The following HERC2 variants were observed in gnomAD, a reference collection of about 807,000 sequenced individuals.
HERC2 encodes E3 ubiquitin-protein ligase HERC2.
HERC2 carries 102 observed loss-of-function variants against 537.7 expected under a neutral mutation model. The observed-to-expected ratio is 0.19, with a 90% CI of 0.16 to 0.22. The LOEUF (loss-of-function observed/expected upper bound fraction) is 0.22, where lower values mean the gene tolerates loss of function less well. Ranked by LOEUF, HERC2 falls within the 10% of genes least tolerant of loss-of-function variation. HERC2 has a pLI of 1.00. For missense variants in HERC2, 4,236 were observed against 6,198.2 expected, an observed-to-expected ratio of 0.68 and a Z score of 10.63; for synonymous variants, 2,224 against 2,466.2, an observed-to-expected ratio of 0.90 and a Z score of 2.91.
At chr15:28,252,008 TGC>T (rs2075099739) in intron 20 of HERC2, among the ~76,000 whole-genome samples, 1 of 152,224 alleles carries the variant, frequency 6.6e-6, no homozygotes, top group African/African-American at 2.4e-5. Context: ...ATATCTGATC[TGC>T]CCTAGACTCA....
Position 28,111,238 on chromosome 15 carries a change from G to A in HERC2, c.*525C>T, listed in dbSNP as rs532513500. The A allele has an allele frequency of 3.2e-4, 49 of 153,946 alleles. No individual in the cohort carries two copies. Among genetic ancestry groups the A allele is most frequent in the Non-Finnish European group, 5.9e-4 (41 of 69,114 alleles). The allele number at this position is 153,946 out of a possible 1,614,324, so 9.5% of individuals were successfully genotyped here. ...AAATGGCCTTCTGGTTTTTCATTTT[G>A]GTTTAAATATCCTCTGGATGCATTC... On this transcript the variant is annotated 3_prime_UTR_variant, in exon 93 of 93. Transcript: ENST00000261609.
intron 56 of HERC2, among the ~76,000 whole-genome samples, chr15:28,183,929 T>C (rs1896058189): frequency 6.6e-6 from 1 of 152,194 alleles, no homozygotes; most frequent in Non-Finnish European, 1.5e-5. Flanking sequence ...AGCTCACACC[T>C]GTAATCCTAG....
chr15:28,154,361 C>T (rs1892769902), intron 69 of HERC2, among the ~76,000 whole-genome samples: 1 of 152,064 alleles, frequency 6.6e-6, no homozygotes, highest in African/African-American at 2.4e-5. Flanking sequence ...CTTTTTGAGT[C>T]CCAAATATCA....
intron 3 of HERC2, among the ~76,000 whole-genome samples, chr15:28,296,689 T>TAA (rs4035974): frequency 2.6e-5 from 3 of 115,238 alleles, no homozygotes; most frequent in Non-Finnish European, 3.7e-5. Context: ...TACTGATACA[T>TAA]AAAAAAAAAA....
Position 28,177,677 on chromosome 15 carries a change from G to A in HERC2, c.9164-168C>T, listed in dbSNP as rs1266023432. 6.6e-6 allele frequency among the ~76,000 whole-genome samples: 1 copy of A among 152,082 alleles called. No individual in the cohort carries two copies. The highest frequency in any genetic ancestry group is 1.5e-5 in the Non-Finnish European group (1 of 68,024). Reference sequence around the variant, plus strand: ...GCGGAGTTAGCAGGAAAGCTTCCTGGGACATATGTGCCAAATAGGTGAATT... The same window carrying A: ...GCGGAGTTAGCAGGAAAGCTTCCTGAGACATATGTGCCAAATAGGTGAATT... On this transcript the variant is annotated intron_variant, in intron 59 of 92. Transcript: ENST00000261609. This position sits in a 1 kb window ranked among gnomAD's most constrained non-coding sequence, Gnocchi z 5.0.
intron 5 of HERC2, among the ~76,000 whole-genome samples, chr15:28,277,739 C>T (rs1228699443): frequency 6.6e-6 from 1 of 152,168 alleles, no homozygotes; most frequent in Non-Finnish European, 1.5e-5. Context: ...AACCATGGCA[C>T]TCCTATTACC....
Position 28,292,935 on chromosome 15 carries a change from T to C in HERC2, c.275A>G (p.Tyr92Cys), listed in dbSNP as rs2076358283. ...GCTGTCCAGAATTGACTTGGCCCTATATATAGGTGCAGGAGTTTCTTCTTC... is the reference window on the plus strand; with the variant it reads ...GCTGTCCAGAATTGACTTGGCCCTACATATAGGTGCAGGAGTTTCTTCTTC... ...KDEEETPAPI[Y>C]RAKSILDSWV... is the part of the protein sequence containing the mutation. The change falls in exon 4 of 93, where the codon TAT becomes TGT. Residue 92 changes from tyrosine (Y) to cysteine (C), a missense_variant. By Grantham distance (194) the Tyr-to-Cys change is radical. This residue lies in a region of HERC2 where 491 missense variants were observed against 559.3 expected (regional missense o/e 0.88). Coordinates refer to ENST00000261609, the MANE Select transcript of HERC2 (RefSeq NM_004667.6). The C allele has an allele frequency of 1.2e-6, 2 of 1,611,296 alleles. No homozygotes were observed. Among genetic ancestry groups the C allele is most frequent in the South Asian group, 1.1e-5 (1 of 90,762 alleles).
intron 2 of HERC2, among the ~76,000 whole-genome samples, chr15:28,300,141 G>A (rs1310378958): frequency 4.6e-5 from 7 of 150,914 alleles, no homozygotes; most frequent in Admixed American, 6.6e-5. Context: ...TAAACCAAAA[G>A]CAAGTACCAA....
intron 5 of HERC2, among the ~76,000 whole-genome samples, chr15:28,278,783 A>C (rs1476173708): frequency 6.6e-6 from 1 of 152,152 alleles, no homozygotes; most frequent in Non-Finnish European, 1.5e-5. Context: ...AGTCACTATC[A>C]CAGTCAAATA....
chr15:28,192,226 T>C (rs959862573), intron 52 of HERC2, 75 bp from the exon 53 acceptor site: 8 of 1,248,280 alleles, frequency 6.4e-6, no homozygotes, highest in East Asian at 2.4e-5. Flanking sequence ...GAATATTACA[T>C]AGTAAGGAGC....
intron 30 of HERC2, among the ~76,000 whole-genome samples, chr15:28,232,067 A>G (rs1901919417): frequency 6.6e-6 from 1 of 152,142 alleles, no homozygotes. Context: ...CCGGATCCAG[A>G]GCACCCCTCG....
At chr15:28,148,700 A>G (rs1462677938) in intron 70 of HERC2, among the ~76,000 whole-genome samples, 2 of 151,492 alleles carry the variant, frequency 1.3e-5, no homozygotes, top group South Asian at 2.1e-4. Context: ...GCGGCTTCTA[A>G]CCGAGAACAT....
chr15:28,187,614 T>C (rs1896435503), intron 55 of HERC2, among the ~76,000 whole-genome samples: 1 of 152,126 alleles, frequency 6.6e-6, no homozygotes. Flanking sequence ...ATTACAGGAG[T>C]GAGCCACCGC....
intron 69 of HERC2, among the ~76,000 whole-genome samples, chr15:28,159,312 G>C (rs1893330947): frequency 6.6e-6 from 1 of 152,120 alleles, no homozygotes; most frequent in Non-Finnish European, 1.5e-5. Context: ...AGTTCTCCTG[G>C]ATAATATCCT....
In HERC2 at chr15:28,274,312, A is replaced by AACCTGGTCGCTC. The variant is rs2075815089; in HGVS notation, c.767_778dup (p.Arg259_Phe260insTer). 1 of 1,614,084 alleles carries AACCTGGTCGCTC rather than the reference A, an allele frequency of 6.2e-7. No homozygotes were observed. ...TCACCCCGTCACGACGGACCTGAGG[A>AACCTGGTCGCTC]ACCTGGTCGCTCTCTCCACCACCTC... On this transcript the variant is annotated stop_gained, in exon 7 of 93. Coordinates refer to ENST00000261609, the MANE Select transcript of HERC2 (RefSeq NM_004667.6). LOFTEE classifies it high-confidence loss of function.
chr15:28,229,617 C>T, intron 32 of HERC2, 21 bp from the exon 33 acceptor site: 2 of 1,600,194 alleles, frequency 1.2e-6, no homozygotes, highest in Non-Finnish European at 1.7e-6. Context: ...TCAATGCATA[C>T]AGTTAAGTGT....
chr15:28,122,395 C>G lies in HERC2; in HGVS notation c.13189-966G>C, dbSNP rs1889017457. 6.6e-6 allele frequency among the ~76,000 whole-genome samples: 1 copy of G among 152,218 alleles called. No homozygotes were observed. Among genetic ancestry groups the G allele is most frequent in the African/African-American group, 2.4e-5 (1 of 41,462 alleles). ...GTGGGCTGTGGGAGCACAAGGGTCC[C>G]TCAGTGGAGGCTGAGCCCTTGCCCA... On this transcript the variant is annotated intron_variant, in intron 85 of 92. Coordinates refer to ENST00000261609, the MANE Select transcript of HERC2 (RefSeq NM_004667.6). The surrounding 1 kb of genome is among the most constrained non-coding windows in gnomAD (Gnocchi z 4.1).
intron 17 of HERC2, among the ~76,000 whole-genome samples, chr15:28,256,592 G>A (rs148537831): frequency 5.9e-5 from 9 of 152,012 alleles, no homozygotes; most frequent in African/African-American, 1.9e-4. Flanking sequence ...TCCACCCCGC[G>A]CCAACAATCT....
At chr15:28,230,295 A>G (rs1404524345) in intron 31 of HERC2, 72 bp downstream of exon 31, 19 of 1,474,848 alleles carry the variant, frequency 1.3e-5, no homozygotes, top group South Asian at 3.4e-5. Context: ...TGCTCAGGAC[A>G]AGACTGTGGA....
Sources: gnomAD v4.1 joint callset for allele counts (sites outside exome capture counted in the v4.1 genomes callset) on GRCh38, gnomAD v4.1.1 for gene constraint, gnomAD v4.1.1 regional missense constraint, Gnocchi (gnomAD v3.1) non-coding constraint, MANE v1.5 for transcripts, NCBI Gene and HGNC (gene_info 2026-07-23, HGNC 2026-07-21) for gene names.